The following DPYD variants were observed in gnomAD, a reference collection of about 807,000 sequenced individuals.
The protein encoded by DPYD is dihydropyrimidine dehydrogenase.
In DPYD, 109 loss-of-function variants were observed where a neutral mutation model predicts 116.2. That is an observed-to-expected ratio of 0.94 (90% confidence interval 0.80 to 1.10). The LOEUF (loss-of-function observed/expected upper bound fraction) is 1.10, where lower values mean the gene tolerates loss of function less well. DPYD is among the 50% of genes least tolerant of loss of function. The probability of loss-of-function intolerance (pLI) is 0.00; values close to 1 mark genes in which losing one functional copy is unlikely to be tolerated. For synonymous variants in DPYD, 440 were observed against 432.0 expected (o/e 1.02, Z -0.23); for missense variants, 1,302 against 1,254.5 (o/e 1.04, Z -0.57).
intron 2 of DPYD, among the ~76,000 whole-genome samples, chr1:97,852,882 T>G (rs1366170634): frequency 1.3e-5 from 2 of 152,210 alleles, no homozygotes; most frequent in Non-Finnish European, 2.9e-5. Context: ...CACTGGAAGC[T>G]ACTTTAGCAA....
At chr1:97,796,627 G>A (rs926437412) in intron 3 of DPYD, among the ~76,000 whole-genome samples, 3 of 152,062 alleles carry the variant, frequency 2.0e-5, no homozygotes, top group Admixed American at 6.6e-5. Context: ...ATCAACAAAA[G>A]AGGAAAATAT....
At chr1:97,270,989 G>C (rs1005301777) in intron 18 of DPYD, among the ~76,000 whole-genome samples, 7 of 152,170 alleles carry the variant, frequency 4.6e-5, no homozygotes, top group Non-Finnish European at 1.0e-4. Flanking sequence ...GAGAAATGCA[G>C]TAACCACACA....
chr1:97,217,243 T>C (rs1557946137), intron 19 of DPYD, among the ~76,000 whole-genome samples: 1 of 152,090 alleles, frequency 6.6e-6, no homozygotes, highest in African/African-American at 2.4e-5. Flanking sequence ...AACACGTTAA[T>C]TGATAATAAT....
chr1:97,311,133 T>C (rs1667490209), intron 16 of DPYD, among the ~76,000 whole-genome samples: 1 of 151,796 alleles, frequency 6.6e-6, no homozygotes, highest in Middle Eastern at 3.4e-3. Flanking sequence ...TTGAGGGTAA[T>C]GGAAATGTTC....
chr1:97,418,198 G>GTATTTATTT (rs1674384473), intron 14 of DPYD, among the ~76,000 whole-genome samples: 1 of 151,836 alleles, frequency 6.6e-6, no homozygotes, highest in African/African-American at 2.4e-5. Context: ...TACATATAAT[G>GTATTTATTT]TATTTATTTC....
At chr1:97,466,771 C>A (rs542584359) in intron 13 of DPYD, among the ~76,000 whole-genome samples, 1 of 152,300 alleles carries the variant, frequency 6.6e-6, no homozygotes, top group South Asian at 2.1e-4. Context: ...GGCCACCAGG[C>A]ATCCAGTACT....
At chr1:97,400,449 T>C (rs1218349538) in intron 14 of DPYD, among the ~76,000 whole-genome samples, 1 of 152,170 alleles carries the variant, frequency 6.6e-6, no homozygotes, top group African/African-American at 2.4e-5. Flanking sequence ...GGTATCAGGA[T>C]GATGCTGGCC....
chr1:97,577,570 G>A (rs142993662), intron 10 of DPYD, among the ~76,000 whole-genome samples: 9 of 152,044 alleles, frequency 5.9e-5, no homozygotes, highest in East Asian at 5.8e-4. Flanking sequence ...CCTAACCTCC[G>A]TGTGTGTGGC....
intron 3 of DPYD, among the ~76,000 whole-genome samples, chr1:97,801,457 A>G (rs1373704271): frequency 6.6e-6 from 1 of 151,942 alleles, no homozygotes; most frequent in Non-Finnish European, 1.5e-5. Flanking sequence ...ACGAGCTTAT[A>G]TTTTACTGAG....
intron 10 of DPYD, among the ~76,000 whole-genome samples, chr1:97,582,885 A>C (rs1653791999): frequency 6.6e-6 from 1 of 152,216 alleles, no homozygotes; most frequent in Admixed American, 6.5e-5. Context: ...ATGCAATGTA[A>C]GGAATAATTT....
chr1:97,227,153 C>T lies in DPYD; in HGVS notation c.2442+7699G>A, dbSNP rs377441629. On this transcript the variant is annotated intron_variant, in intron 19 of 22. Transcript: ENST00000370192. ...CATCCTGGCCAACATGTTGAAACCC[C>T]GTCTTTACAAAAAATACAAAAATTA... 6.1e-4 allele frequency among the ~76,000 whole-genome samples: 93 copies of T among 151,402 alleles called. 2 individuals carry two copies. The South Asian group carries it at 0.016, about 26-fold the overall frequency.
chr1:97,292,377 C>T (rs78335741), intron 18 of DPYD, among the ~76,000 whole-genome samples: 2 of 152,150 alleles, frequency 1.3e-5, no homozygotes, highest in African/African-American at 2.4e-5. Flanking sequence ...ACATGTCCTT[C>T]TTCACGTGTT....
At chr1:97,545,894 A>C in intron 12 of DPYD, 1 of 1,072,548 alleles carries the variant, frequency 9.3e-7, no homozygotes. Context: ...AAGAAGTATA[A>C]AATTTAAACT....
chr1:97,156,887 A>G (rs1655501052), intron 20 of DPYD, among the ~76,000 whole-genome samples: 1 of 152,010 alleles, frequency 6.6e-6, no homozygotes, highest in South Asian at 2.1e-4. Flanking sequence ...ACAATGATAG[A>G]CTGGATTAAA....
chr1:97,382,338 C>A lies in DPYD; in HGVS notation c.1974+55G>T, dbSNP rs1570632148. The A allele has an allele frequency of 5.5e-6, 6 of 1,092,270 alleles. No individual in the cohort carries two copies. In the South Asian group the frequency reaches 1.1e-4, roughly 19 times the overall value. 67.7% of individuals were successfully genotyped at this position (1,092,270 alleles called of 1,614,324 possible). On this transcript the variant is annotated intron_variant, in intron 15 of 22. Transcript: ENST00000370192. Reference sequence around the variant, plus strand: ...TCTCATGGCAGCTCTTTATTTAAAACTAATAAAAATAGGAGAGAAGAAATA... The same window carrying A: ...TCTCATGGCAGCTCTTTATTTAAAAATAATAAAAATAGGAGAGAAGAAATA...
At chr1:97,265,277 G>A (rs1009875789) in intron 18 of DPYD, 4 of 152,088 alleles carry the variant, frequency 2.6e-5, no homozygotes, top group African/African-American at 9.7e-5. Flanking sequence ...ATTTCTCAAA[G>A]ACATCTTCTC....
rs538839860 is a variant in DPYD, at chr1:97,539,728, G to C, written c.1524+9832C>G. Reference sequence around the variant, plus strand: ...AAAGATCAACATTATTTGACAAAATGTTCCATGTTTATAAGAGCTCCTTCT... The same window carrying C: ...AAAGATCAACATTATTTGACAAAATCTTCCATGTTTATAAGAGCTCCTTCT... On this transcript the variant is annotated intron_variant, in intron 12 of 22. Coordinates refer to ENST00000370192, the MANE Select transcript of DPYD (RefSeq NM_000110.4). 1.9e-4 allele frequency among the ~76,000 whole-genome samples: 29 copies of C among 152,280 alleles called. No individual in the cohort carries two copies. The South Asian group carries it at 5.8e-3, about 30-fold the overall frequency.
At chr1:97,257,808 C>A (rs1189402121) in intron 18 of DPYD, among the ~76,000 whole-genome samples, 1 of 151,982 alleles carries the variant, frequency 6.6e-6, no homozygotes, top group Non-Finnish European at 1.5e-5. Flanking sequence ...AGGAGTTAGA[C>A]ATTATCCCTG....
chr1:97,330,619 A>G (rs1668935592), intron 16 of DPYD, among the ~76,000 whole-genome samples: 1 of 152,202 alleles, frequency 6.6e-6, no homozygotes, highest in Admixed American at 6.5e-5. Context: ...TAGGTGATTT[A>G]AAAATATACA....
Sources: allele counts gnomAD v4.1 joint callset (sites outside exome capture counted in the v4.1 genomes callset), GRCh38; gene constraint gnomAD v4.1.1; transcripts MANE v1.5; gene names NCBI Gene and HGNC (gene_info 2026-07-23, HGNC 2026-07-21).